Variants in AK5 observed in about 807,000 individuals in gnomAD.
AK5 encodes the protein adenylate kinase 5, also known as adenylate kinase isoenzyme 5.
AK5 carries 27 observed loss-of-function variants against 69.5 expected under a neutral mutation model. The observed-to-expected ratio is 0.39, with a 90% confidence interval of 0.29 to 0.54. The LOEUF is 0.54. Among genes scored for constraint, AK5 ranks in the 20% least tolerant of loss-of-function variants. The probability of loss-of-function intolerance (pLI) is 0.71; values close to 1 mark genes in which losing one functional copy is unlikely to be tolerated. For missense variants in AK5, 531 were observed against 700.4 expected, an observed-to-expected ratio of 0.76 and a Z score of 2.73; for synonymous variants, 260 against 244.4, an observed-to-expected ratio of 1.06 and a Z score of -0.60.
intron 6 of AK5, among the ~76,000 whole-genome samples, chr1:77,347,614 C>A (rs1177149065): frequency 1.3e-5 from 2 of 152,104 alleles, no homozygotes; most frequent in Admixed American, 6.6e-5. Context: ...ACCTAAAATA[C>A]CGTGATCACA....
chr1:77,298,955 TAGG>T (rs1659179985), intron 5 of AK5, among the ~76,000 whole-genome samples: 1 of 152,224 alleles, frequency 6.6e-6, no homozygotes, highest in African/African-American at 2.4e-5. Context: ...TCCTGAGAAA[TAGG>T]AGTACTGTTA....
chr1:77,470,854 TATATATATATATATATA>T (rs1308790579), intron 8 of AK5, among the ~76,000 whole-genome samples: 6,474 of 31,582 alleles, frequency 0.2, 1,211 homozygotes, highest in Non-Finnish European at 0.24. Flanking sequence ...TATATATATA[TATATATATATATATATA>T]TATATTTTTT....
chr1:77,467,523 G>C lies in AK5; in HGVS notation c.1060-15794G>C, dbSNP rs181192595. Among the ~76,000 whole-genome samples, 10 of 152,260 alleles carry C rather than the reference G, an allele frequency of 6.6e-5. No homozygotes were observed. The East Asian group carries it at 1.9e-3, about 29-fold the overall frequency. On this transcript the variant is annotated intron_variant, in intron 8 of 13. Transcript: ENST00000354567. ...TAAAAACTGTTTTGAGCATAAAATA[G>C]TTATTTTACAGTCCACTTAGTTCTC...
chr1:77,291,193 A>G (rs111264991), intron 2 of AK5, among the ~76,000 whole-genome samples: 18 of 152,238 alleles, frequency 1.2e-4, no homozygotes, highest in African/African-American at 3.9e-4. Context: ...GAAAGATACT[A>G]TATGAAATGC....
intron 10 of AK5, among the ~76,000 whole-genome samples, chr1:77,495,826 A>G (rs72681687): frequency 0.019 from 2,810 of 151,004 alleles, 77 homozygotes; most frequent in South Asian, 0.12. Flanking sequence ...ATCCTACACA[A>G]GCAGATATAT....
intron 8 of AK5, among the ~76,000 whole-genome samples, chr1:77,435,658 AAAG>A (rs1047795804): frequency 6.6e-6 from 1 of 151,986 alleles, no homozygotes; most frequent in Admixed American, 6.6e-5. Flanking sequence ...AAAAAAAAAA[AAAG>A]AAGCTGCAGT....
chr1:77,369,793 G>A (rs1306024252), intron 6 of AK5, among the ~76,000 whole-genome samples: 1 of 152,172 alleles, frequency 6.6e-6, no homozygotes, highest in African/African-American at 2.4e-5. Flanking sequence ...GGAAACATTT[G>A]AGTAGTTTCA....
intron 8 of AK5, among the ~76,000 whole-genome samples, chr1:77,442,940 A>T (rs1172315065): frequency 9.9e-5 from 15 of 151,970 alleles, no homozygotes; most frequent in Admixed American, 9.8e-4. Flanking sequence ...TTATTGTTTT[A>T]TCAGGCATTT....
intron 6 of AK5, among the ~76,000 whole-genome samples, chr1:77,407,942 T>A (rs967043034): frequency 1.3e-5 from 2 of 152,232 alleles, no homozygotes; most frequent in African/African-American, 2.4e-5. Context: ...TGCTTCCATG[T>A]TGCTGCAAAG....
chr1:77,382,949 T>G (rs974213406), intron 6 of AK5, among the ~76,000 whole-genome samples: 1 of 152,206 alleles, frequency 6.6e-6, no homozygotes, highest in African/African-American at 2.4e-5. Flanking sequence ...AACCCACTTA[T>G]GGTCCTAAAT....
At chr1:77,390,478 T>A (rs1284534722) in intron 6 of AK5, among the ~76,000 whole-genome samples, 1 of 152,096 alleles carries the variant, frequency 6.6e-6, no homozygotes, top group East Asian at 1.9e-4. Flanking sequence ...GACACTCAGG[T>A]GAGAGGGGAG....
intron 6 of AK5, among the ~76,000 whole-genome samples, chr1:77,378,739 A>G (rs1362377962): frequency 7.9e-5 from 12 of 152,242 alleles, no homozygotes; most frequent in Admixed American, 2.6e-4. Context: ...TGGAACTGAG[A>G]GAGCTCTCCA....
In AK5 at chr1:77,470,858, TATATATA is replaced by T. The variant is rs1654446426; in HGVS notation, c.1060-12458_1060-12452del. Among the ~76,000 whole-genome samples the T allele has an allele frequency of 1.3e-3, 12 of 9,242 alleles. 1 individual carries two copies. Among genetic ancestry groups the T allele is most frequent in the African/African-American group, 3.6e-3 (8 of 2,210 alleles). 6.1% of individuals were successfully genotyped at this position (9,242 alleles called of 152,430 possible). On this transcript the variant is annotated intron_variant, in intron 8 of 13. Coordinates refer to ENST00000354567, the MANE Select transcript of AK5 (RefSeq NM_174858.3). ...ATATATATATATATATATATATATA[TATATATA>T]TATATATATATTTTTTTTTTTTTTT... is the stretch of plus-strand genomic sequence containing the variant.
At chr1:77,337,777 C>T (rs1661438099) in intron 5 of AK5, among the ~76,000 whole-genome samples, 1 of 152,046 alleles carries the variant, frequency 6.6e-6, no homozygotes, top group African/African-American at 2.4e-5. Context: ...GCGGGGAAAA[C>T]TGAGGTTCAA....
chr1:77,296,508 T>C (rs953940043), intron 3 of AK5, among the ~76,000 whole-genome samples: 14 of 152,236 alleles, frequency 9.2e-5, no homozygotes, highest in Admixed American at 5.9e-4. Context: ...AAAAATTTTT[T>C]TTCTTGAAAG....
chr1:77,406,596 G>T (rs1649667180), intron 6 of AK5, among the ~76,000 whole-genome samples: 1 of 151,880 alleles, frequency 6.6e-6, no homozygotes, highest in South Asian at 2.1e-4. Context: ...GGCTGCCTTT[G>T]TCTTACTATA....
chr1:77,445,568 A>T (rs1268527221), intron 8 of AK5, among the ~76,000 whole-genome samples: 2 of 152,030 alleles, frequency 1.3e-5, no homozygotes, highest in Admixed American at 1.3e-4. Context: ...ACTTTTTCCT[A>T]ATCTGTAGGT....
At chr1:77,298,850 T>C (rs1659171181) in intron 5 of AK5, among the ~76,000 whole-genome samples, 1 of 152,120 alleles carries the variant, frequency 6.6e-6, no homozygotes, top group African/African-American at 2.4e-5. Context: ...AAATTTTCTT[T>C]TAATTACAGA....
chr1:77,549,173 G>T (rs1369356395), intron 13 of AK5, among the ~76,000 whole-genome samples: 1 of 151,942 alleles, frequency 6.6e-6, no homozygotes, highest in Non-Finnish European at 1.5e-5. Flanking sequence ...ACCGTGCCTG[G>T]CCTGCTTTTA....
Sources: allele counts gnomAD v4.1 joint callset (sites outside exome capture counted in the v4.1 genomes callset), GRCh38; gene constraint gnomAD v4.1.1; transcripts MANE v1.5; gene names NCBI Gene and HGNC (gene_info 2026-07-23, HGNC 2026-07-21).